The following COL11A1 variants were observed in gnomAD, a reference collection of about 807,000 sequenced individuals.
COL11A1 encodes the protein collagen type XI alpha 1 chain.
COL11A1 carries 74 observed loss-of-function variants against 265.2 expected under a neutral mutation model. The ratio of observed to expected loss-of-function variants is 0.28; its 90% CI spans 0.23 to 0.34. The LOEUF (loss-of-function observed/expected upper bound fraction) is 0.34, where lower values mean the gene tolerates loss of function less well. COL11A1 is among the 10% of genes least tolerant of loss of function. The pLI, the probability that COL11A1 is intolerant of heterozygous loss-of-function variation, is 1.00. For missense variants in COL11A1, 2,165 were observed against 2,263.6 expected (o/e 0.96, Z 0.88); for synonymous variants, 816 against 727.6 (o/e 1.12, Z -1.96).
chr1:102,956,538 A>C (rs1305226162), intron 41 of COL11A1, among the ~76,000 whole-genome samples: 2 of 152,122 alleles, frequency 1.3e-5, no homozygotes. Context: ...CAAGGAAAAC[A>C]GGTAAGCAAA....
chr1:102,916,000 G>T (rs1409434991), intron 49 of COL11A1, among the ~76,000 whole-genome samples: 1 of 152,032 alleles, frequency 6.6e-6, no homozygotes, highest in South Asian at 2.1e-4. Context: ...TTGTGTATTT[G>T]CACTGTGTCA....
intron 1 of COL11A1, among the ~76,000 whole-genome samples, chr1:103,104,359 G>T (rs1480350348): frequency 1.3e-5 from 2 of 152,030 alleles, no homozygotes; most frequent in African/African-American, 4.8e-5. Flanking sequence ...AGAGATGTTT[G>T]CTTTGCTGTA....
chr1:103,008,761 C>T (rs897535795), intron 14 of COL11A1, among the ~76,000 whole-genome samples: 3 of 152,144 alleles, frequency 2.0e-5, no homozygotes, highest in Non-Finnish European at 2.9e-5. Context: ...TACACAGAAG[C>T]TAACCTCATG....
chr1:102,919,148 T>C (rs1028943318), intron 49 of COL11A1, among the ~76,000 whole-genome samples: 75 of 108,922 alleles, frequency 6.9e-4, no homozygotes, highest in Non-Finnish European at 1.1e-3. Flanking sequence ...GAAAAGTGTG[T>C]TTTCAGTTTC....
At chr1:102,912,394 G>C (rs577807584) in intron 53 of COL11A1, among the ~76,000 whole-genome samples, 182 bp from the exon 54 acceptor site, 6 of 152,144 alleles carry the variant, frequency 3.9e-5, no homozygotes, top group South Asian at 4.1e-4. Flanking sequence ...GTTAGAGCTG[G>C]TAAATTTAGA....
At chr1:103,007,866 C>CAAAAA (rs34520764) in intron 15 of COL11A1, among the ~76,000 whole-genome samples, 4 of 97,082 alleles carry the variant, frequency 4.1e-5, no homozygotes, top group Non-Finnish European at 5.7e-5. Context: ...GACTCTGTCT[C>CAAAAA]AAAAAAAAAA....
rs569475666 is a variant in COL11A1 at position 103,015,693 on chromosome 1, G to C, written c.1463C>G (p.Pro488Arg). The C allele has an allele frequency of 6.2e-7, 1 of 1,609,186 alleles. No homozygotes were observed. The highest frequency in any genetic ancestry group is 1.7e-5 in the Admixed American group (1 of 59,616). The change falls in exon 12 of 67, where the codon CCT (proline) becomes CGT (arginine). Residue 488 changes from proline (P) to arginine (R), a missense_variant. Physicochemically the swap from Pro to Arg is moderately radical, Grantham distance 103. Coordinates refer to ENST00000370096, the MANE Select transcript of COL11A1 (RefSeq NM_001854.4). ...GLPGADGLPG[P>R]PGTMLMLPFR... ...CGGTAACATCAACATAGTACCAGGAGGACCAGGTAGACCATCAGCCCCTGG... is the reference window on the plus strand; with the variant it reads ...CGGTAACATCAACATAGTACCAGGACGACCAGGTAGACCATCAGCCCCTGG...
intron 1 of COL11A1, among the ~76,000 whole-genome samples, chr1:103,089,338 T>C (rs899173119): frequency 6.6e-6 from 1 of 152,194 alleles, no homozygotes; most frequent in East Asian, 1.9e-4. Flanking sequence ...TCCAAGAGGA[T>C]GATGTGACCT....
chr1:102,997,043 A>G lies in COL11A1; in HGVS notation c.2241+37T>C, dbSNP rs1445223247. On this transcript the variant is annotated intron_variant, in intron 26 of 66. Coordinates refer to ENST00000370096, the MANE Select transcript of COL11A1 (RefSeq NM_001854.4). Reference sequence around the variant, plus strand: ...TTAAGGCATTTTCTCTTGGAAATTTATTAATAGGACATTTAAATGGATACT... The same window carrying G: ...TTAAGGCATTTTCTCTTGGAAATTTGTTAATAGGACATTTAAATGGATACT... The G allele has an allele frequency of 3.2e-6, 5 of 1,575,038 alleles. 1 individual carries two copies. The highest frequency in any genetic ancestry group is 1.7e-6 in the Non-Finnish European group (2 of 1,144,982).
rs1385315256 is a variant in COL11A1, at chr1:102,990,381, T to G, written c.2341-810A>C. Among the ~76,000 whole-genome samples, 31 of 152,054 alleles carry G rather than the reference T, an allele frequency of 2.0e-4. 1 individual carries two copies. Among genetic ancestry groups the G allele is most frequent in the Admixed American group, 2.0e-3 (31 of 15,260 alleles). ...ATTAGATAAATGCCTTCTAGCTCAATGGGTTCTGTATCTTACAATCTTCTT... is the reference window on the plus strand; with the variant it reads ...ATTAGATAAATGCCTTCTAGCTCAAGGGGTTCTGTATCTTACAATCTTCTT... On this transcript the variant is annotated intron_variant, in intron 28 of 66. Transcript: ENST00000370096.
chr1:102,881,882 T>C (rs1321468759), intron 64 of COL11A1, 117 bp from the exon 65 acceptor site: 1 of 793,738 alleles, frequency 1.3e-6, no homozygotes, highest in Admixed American at 2.3e-5. Context: ...GTGCTTAAAA[T>C]CGTTTTAAAA....
intron 4 of COL11A1, among the ~76,000 whole-genome samples, chr1:103,035,741 A>T (rs1668317794): frequency 6.6e-6 from 1 of 152,068 alleles, no homozygotes; most frequent in Admixed American, 6.6e-5. Flanking sequence ...AAGTATTATT[A>T]GTACTTCTAA....
chr1:102,988,573 G>T (rs143367136), intron 29 of COL11A1, among the ~76,000 whole-genome samples: 5 of 152,076 alleles, frequency 3.3e-5, no homozygotes, highest in African/African-American at 4.8e-5. Context: ...CAACTTTGGT[G>T]TGTTTACTCA....
intron 41 of COL11A1, among the ~76,000 whole-genome samples, chr1:102,951,727 G>A (rs1336859010): frequency 6.6e-6 from 1 of 151,390 alleles, no homozygotes; most frequent in African/African-American, 2.4e-5. Flanking sequence ...GGGCAACGGA[G>A]CCAGACTCCG....
At chr1:103,043,751 C>A (rs1201994958) in intron 4 of COL11A1, among the ~76,000 whole-genome samples, 1 of 151,932 alleles carries the variant, frequency 6.6e-6, no homozygotes, top group East Asian at 1.9e-4. Context: ...CTTTAAGTGG[C>A]AGACTTCTAG....
At chr1:102,997,235 T>C (rs1431554481) in intron 25 of COL11A1, 111 bp from the exon 26 acceptor site, 2 of 1,035,424 alleles carry the variant, frequency 1.9e-6, no homozygotes, top group African/African-American at 3.2e-5. Context: ...TCTTTAAGTT[T>C]CAAAAACATT....
intron 41 of COL11A1, among the ~76,000 whole-genome samples, chr1:102,957,981 C>T (rs1034625164): frequency 6.6e-6 from 1 of 152,128 alleles, no homozygotes; most frequent in Non-Finnish European, 1.5e-5. Flanking sequence ...TTCACATTCT[C>T]TTCCTCAGAA....
intron 46 of COL11A1, among the ~76,000 whole-genome samples, chr1:102,928,558 C>T (rs1656934787): frequency 6.6e-6 from 1 of 152,150 alleles, no homozygotes; most frequent in Admixed American, 6.6e-5. Context: ...CTACAATAAA[C>T]ATACGTGTGC....
chr1:103,002,653 T>G, intron 22 of COL11A1, 94 bp downstream of exon 22: 4 of 1,230,470 alleles, frequency 3.3e-6, no homozygotes, highest in Non-Finnish European at 4.8e-6. Context: ...TAGCAAAATG[T>G]AATAAATCAT....
Sources: gnomAD v4.1 joint callset for allele counts (sites outside exome capture counted in the v4.1 genomes callset) on GRCh38, gnomAD v4.1.1 for gene constraint, MANE v1.5 for transcripts, NCBI Gene and HGNC (gene_info 2026-07-23, HGNC 2026-07-21) for gene names.